ZFHX3: variants seen among roughly 807,000 people sequenced by gnomAD.
ZFHX3 encodes the protein zinc finger homeobox 3.
ZFHX3 carries 42 observed loss-of-function variants against 279.1 expected under a neutral mutation model. The ratio of observed to expected loss-of-function variants is 0.15; its 90% CI spans 0.12 to 0.19. The LOEUF (loss-of-function observed/expected upper bound fraction) is 0.19, where lower values mean the gene tolerates loss of function less well. Among genes scored for constraint, ZFHX3 ranks in the 10% least tolerant of loss-of-function variants. The probability of loss-of-function intolerance (pLI) is 1.00; values close to 1 mark genes in which losing one functional copy is unlikely to be tolerated. For synonymous variants in ZFHX3, 2,293 were observed against 1,957.8 expected (o/e 1.17, Z -4.52); for missense variants, 4,981 against 4,754.0 (o/e 1.05, Z -1.40).
intron 2 of ZFHX3, among the ~76,000 whole-genome samples, chr16:73,654,805 AT>A (rs1279663191): frequency 1.3e-5 from 2 of 148,932 alleles, no homozygotes; most frequent in Non-Finnish European, 3.0e-5. Flanking sequence ...AATTAAAATA[AT>A]TTTTTAAAAA....
chr16:73,625,456 A>T (rs2052405959), intron 2 of ZFHX3, among the ~76,000 whole-genome samples: 1 of 152,230 alleles, frequency 6.6e-6, no homozygotes, highest in Non-Finnish European at 1.5e-5. Flanking sequence ...TTGGGATTCT[A>T]TGAAAGAATT....
Position 73,030,292 on chromosome 16 carries a change from C to T in ZFHX3, c.-50+17460G>A, listed in dbSNP as rs78166611. 9.7e-4 allele frequency among the ~76,000 whole-genome samples: 147 copies of T among 152,304 alleles called. 3 individuals are homozygous for T. In the East Asian group the frequency reaches 0.021, roughly 22 times the overall value. On this transcript the variant is annotated intron_variant, in intron 1 of 9. Transcript: ENST00000268489. ...ATTTTTACTAATGAATCTCATAGCA[C>T]GGAGACAGATCCCATATAAGGAGTT...
intron 7 of ZFHX3, chr16:72,808,025 C>A (rs2036322887): frequency 6.6e-6 from 1 of 152,188 alleles, no homozygotes; most frequent in African/African-American, 2.4e-5. Flanking sequence ...TTTTCACTTT[C>A]CTGCTCTAGT....
At chr16:73,064,666 C>T (rs1364487203), upstream of ZFHX3, among the ~76,000 whole-genome samples, 2 of 152,276 alleles carry the variant, frequency 1.3e-5, no homozygotes, top group East Asian at 3.9e-4. Context: ...CTTGGAGCGC[C>T]CGGATCCTTG....
intron 3 of ZFHX3, among the ~76,000 whole-genome samples, chr16:72,930,414 G>A (rs556290264): frequency 4.0e-4 from 60 of 151,390 alleles, no homozygotes; most frequent in Middle Eastern, 3.4e-3. Context: ...ATAAACATAA[G>A]CTTAAAAAAA....
intron 3 of ZFHX3, among the ~76,000 whole-genome samples, chr16:72,944,559 T>C (rs1351032778): frequency 1.4e-5 from 2 of 145,926 alleles, no homozygotes; most frequent in Non-Finnish European, 3.0e-5. Flanking sequence ...CATTCCAATT[T>C]TGTAAAATTC....
chr16:72,913,351 A>C (rs911703690), intron 3 of ZFHX3, among the ~76,000 whole-genome samples: 1 of 152,172 alleles, frequency 6.6e-6, no homozygotes, highest in South Asian at 2.1e-4. Context: ...CATCGCCTCC[A>C]ATCTGTCTTT....
intron 1 of ZFHX3, among the ~76,000 whole-genome samples, chr16:72,970,785 C>G (rs1389601186): frequency 1.3e-5 from 2 of 152,220 alleles, no homozygotes; most frequent in African/African-American, 4.8e-5. Context: ...TATTTCTACT[C>G]TCTCTCCACT....
chr16:72,950,211 G>A (rs1378498638), intron 3 of ZFHX3, among the ~76,000 whole-genome samples: 1 of 152,092 alleles, frequency 6.6e-6, no homozygotes, highest in Non-Finnish European at 1.5e-5. Context: ...TAGAGGCGCT[G>A]TCAACAAAAC....
chr16:73,519,237 A>G (rs755319841), intron 2 of ZFHX3, among the ~76,000 whole-genome samples: 2 of 152,152 alleles, frequency 1.3e-5, no homozygotes, highest in Non-Finnish European at 2.9e-5. Flanking sequence ...GAAATTTTCC[A>G]TTAAAAAAAA....
chr16:73,021,886 C>T (rs1331145660), intron 1 of ZFHX3, among the ~76,000 whole-genome samples: 2 of 145,396 alleles, frequency 1.4e-5, no homozygotes, highest in African/African-American at 5.1e-5. Flanking sequence ...GAGGAGGGAA[C>T]ACACAGAAAT....
intron 4 of ZFHX3, among the ~76,000 whole-genome samples, chr16:73,315,703 G>A (rs565772732): frequency 1.1e-4 from 17 of 152,298 alleles, no homozygotes; most frequent in South Asian, 8.3e-4. Context: ...GTTAGCAAAA[G>A]AGGAAAGGAA....
intron 2 of ZFHX3, among the ~76,000 whole-genome samples, chr16:73,658,316 C>G (rs1004677032): frequency 2.6e-5 from 4 of 151,942 alleles, no homozygotes; most frequent in Admixed American, 6.6e-5. Context: ...AAAAATAGAA[C>G]TTTTTTTTAA....
Position 73,034,094 on chromosome 16 carries a change from C to T in ZFHX3, c.-50+13658G>A, listed in dbSNP as rs528949445. Among the ~76,000 whole-genome samples the T allele has an allele frequency of 5.5e-5, 8 of 146,172 alleles. No homozygotes were observed. In the South Asian group the frequency reaches 8.8e-4, roughly 16 times the overall value. ...TCTGGGTGAACAAGAAAAACTGTAA[C>T]GAACTTAAAAAAAAAAAAAAGTCTA... On this transcript the variant is annotated intron_variant, in intron 1 of 9. Transcript: ENST00000268489.
At chr16:73,262,388 T>C (rs924838373) in intron 4 of ZFHX3, among the ~76,000 whole-genome samples, 1 of 152,230 alleles carries the variant, frequency 6.6e-6, no homozygotes, top group African/African-American at 2.4e-5. Flanking sequence ...TAGCAGCTGA[T>C]GCCATGGCTT....
intron 9 of ZFHX3, chr16:72,791,349 T>C (rs1048933639): frequency 1.7e-4 from 26 of 152,244 alleles, no homozygotes; most frequent in African/African-American, 6.3e-4. Context: ...CAGGTGATGA[T>C]AACTGGGGCA....
chr16:72,866,217 G>C (rs1241255155), intron 4 of ZFHX3, among the ~76,000 whole-genome samples: 2 of 152,180 alleles, frequency 1.3e-5, no homozygotes, highest in Non-Finnish European at 2.9e-5. Context: ...GAGAGCAGTA[G>C]CCAGAGAGGG....
chr16:72,934,491 T>C (rs146128240), intron 3 of ZFHX3, among the ~76,000 whole-genome samples: 1 of 152,314 alleles, frequency 6.6e-6, no homozygotes, highest in Non-Finnish European at 1.5e-5. Context: ...AAAATTATTT[T>C]AGTACCATAG....
At chr16:73,016,152 C>T (rs1372120509) in intron 1 of ZFHX3, 1 of 152,260 alleles carries the variant, frequency 6.6e-6, no homozygotes, top group East Asian at 1.9e-4. Flanking sequence ...CCAGACTACC[C>T]AACCACTTAA....
Sources: gnomAD v4.1 joint callset for allele counts (sites outside exome capture counted in the v4.1 genomes callset) on GRCh38, gnomAD v4.1.1 for gene constraint, MANE v1.5 for transcripts, NCBI Gene and HGNC (gene_info 2026-07-23, HGNC 2026-07-21) for gene names.